The following DZIP3 variants were observed in gnomAD, a reference collection of about 807,000 sequenced individuals.
DZIP3 encodes the protein DAZ interacting zinc finger protein 3.
In DZIP3, 118 loss-of-function variants were observed where a neutral mutation model predicts 162.0. The observed-to-expected ratio is 0.73, with a 90% confidence interval of 0.63 to 0.85. DZIP3 has a LOEUF of 0.85. Among genes scored for constraint, DZIP3 ranks in the 40% least tolerant of loss-of-function variants. DZIP3 has a pLI of 0.00. For synonymous variants in DZIP3, 438 were observed against 458.6 expected, an observed-to-expected ratio of 0.96 and a Z score of 0.57; for missense variants, 1,331 against 1,407.0, an observed-to-expected ratio of 0.95 and a Z score of 0.86.
intron 26 of DZIP3, 71 bp downstream of exon 26, chr3:108,677,669 A>C: frequency 7.8e-7 from 1 of 1,285,694 alleles, no homozygotes; most frequent in Middle Eastern, 1.9e-4. Context: ...TGAAACACTG[A>C]ATATGCAGTA....
intron 7 of DZIP3, 47 bp from the exon 8 acceptor site, chr3:108,629,014 AT>A: frequency 3.3e-6 from 4 of 1,206,848 alleles, no homozygotes; most frequent in Middle Eastern, 2.0e-4. Flanking sequence ...TAAACCATGC[AT>A]CTACACAGTC....
At chr3:108,656,548 A>C (rs937017323) in intron 19 of DZIP3, among the ~76,000 whole-genome samples, 1 of 152,110 alleles carries the variant, frequency 6.6e-6, no homozygotes, top group Non-Finnish European at 1.5e-5. Context: ...TGGGGAAAAA[A>C]CAGAGCAGAA....
chr3:108,626,356 A>T (rs1941589166), intron 7 of DZIP3, among the ~76,000 whole-genome samples: 1 of 152,198 alleles, frequency 6.6e-6, no homozygotes, highest in African/African-American at 2.4e-5. Context: ...GGTGATTAAC[A>T]TTGCCTAGGA....
At chr3:108,613,239 A>C (rs748163060) in intron 4 of DZIP3, among the ~76,000 whole-genome samples, 24 of 152,162 alleles carry the variant, frequency 1.6e-4, no homozygotes, top group Non-Finnish European at 2.6e-4. Context: ...GCATGATTCC[A>C]CTAAAATAAT....
chr3:108,691,011 A>C, intron 32 of DZIP3, 108 bp downstream of exon 32: 1 of 849,250 alleles, frequency 1.2e-6, no homozygotes, highest in South Asian at 1.9e-5. Context: ...AAGCCAGCTA[A>C]TTTTATCAAA....
intron 21 of DZIP3, among the ~76,000 whole-genome samples, chr3:108,667,787 G>A (rs565376660): frequency 6.6e-6 from 1 of 152,202 alleles, no homozygotes; most frequent in Non-Finnish European, 1.5e-5. Flanking sequence ...TGGAAATTTT[G>A]TAGGGTAGAG....
At chr3:108,618,309 A>G (rs1414767380) in intron 5 of DZIP3, among the ~76,000 whole-genome samples, 1 of 152,210 alleles carries the variant, frequency 6.6e-6, no homozygotes, top group East Asian at 1.9e-4. Flanking sequence ...TTAGAATTAT[A>G]TTAGCTAGTC....
intron 21 of DZIP3, among the ~76,000 whole-genome samples, chr3:108,668,737 GTC>G (rs1006542612): frequency 7.9e-5 from 12 of 151,684 alleles, no homozygotes; most frequent in African/African-American, 2.9e-4. Context: ...TTAACTATAA[GTC>G]TCTAAGTCTT....
intron 21 of DZIP3, among the ~76,000 whole-genome samples, chr3:108,663,578 T>C (rs1161417422): frequency 1.4e-5 from 2 of 146,516 alleles, no homozygotes; most frequent in Non-Finnish European, 1.5e-5. Context: ...AAAAAGAAAC[T>C]GTACTTCAGC....
At chr3:108,611,406 A>T (rs1277419876) in intron 4 of DZIP3, 77 bp downstream of exon 4, 5 of 1,541,554 alleles carry the variant, frequency 3.2e-6, no homozygotes, top group Non-Finnish European at 4.4e-6. Flanking sequence ...TTCTTTTTAA[A>T]CCACACAGTA....
intron 1 of DZIP3, among the ~76,000 whole-genome samples, chr3:108,598,901 A>G (rs948508430): frequency 6.6e-6 from 1 of 152,202 alleles, no homozygotes; most frequent in Non-Finnish European, 1.5e-5. Context: ...CTTGTTTAGT[A>G]TCTGGATAGT....
At chr3:108,692,528 A>AGGGC (rs1202468080) in intron 32 of DZIP3, among the ~76,000 whole-genome samples, 2 of 152,234 alleles carry the variant, frequency 1.3e-5, no homozygotes, top group Non-Finnish European at 1.5e-5. Context: ...ATTTAAAGTC[A>AGGGC]GGGCACATGC....
chr3:108,647,847 T>C, intron 15 of DZIP3, 96 bp from the exon 16 acceptor site: 1 of 961,092 alleles, frequency 1.0e-6, no homozygotes, highest in Non-Finnish European at 1.5e-6. Flanking sequence ...TATTTCTGTT[T>C]TGTGAATGTT....
chr3:108,664,372 A>T (rs567621124), intron 21 of DZIP3, among the ~76,000 whole-genome samples: 2 of 152,312 alleles, frequency 1.3e-5, no homozygotes, highest in Middle Eastern at 3.4e-3. Context: ...ACCTAACATA[A>T]GTAAGTAGCA....
Position 108,624,514 on chromosome 3 carries a change from G to C in DZIP3, c.446G>C (p.Gly149Ala). Residue 149 changes from glycine to alanine, a missense_variant, in exon 6 of 33, where the codon GGA (glycine) becomes GCA (alanine). Transcript: ENST00000361582. ...FLYGVALTERGKKEDYTEAEN... is the reference protein window; with the variant it reads ...FLYGVALTERAKKEDYTEAEN... ...TATGGAGTAGCACTCACTGAAAGAG[G>C]AAAGAAAGAGGTATGTAACATGTTA... 1 of 1,561,812 alleles carries C rather than the reference G, an allele frequency of 6.4e-7. No individual in the cohort carries two copies. Among genetic ancestry groups the C allele is most frequent in the Non-Finnish European group, 8.7e-7 (1 of 1,142,922 alleles).
In DZIP3 at chr3:108,684,190, A is replaced by C. The variant is rs369990261; in HGVS notation, c.2884-26A>C. The C allele has an allele frequency of 3.2e-6, 5 of 1,585,532 alleles. No individual in the cohort carries two copies. The African/African-American group carries it at 4.1e-5, about 13-fold the overall frequency. ...AAATATGTGGGGGGGGGTGTTGTTT[A>C]TTATTGTTTATATTTTCTATTTTAG... On this transcript the variant is annotated intron_variant, in intron 26 of 32. Coordinates refer to ENST00000361582, the MANE Select transcript of DZIP3 (RefSeq NM_014648.4).
At chr3:108,684,577 T>A (rs1206123974) in intron 27 of DZIP3, among the ~76,000 whole-genome samples, 1 of 152,150 alleles carries the variant, frequency 6.6e-6, no homozygotes, top group Non-Finnish European at 1.5e-5. Flanking sequence ...TACTAGAGAA[T>A]CCTTAAAATT....
rs750802024 is a variant in DZIP3 at position 108,625,956 on chromosome 3, T to G, written c.568T>G (p.Cys190Gly). 1.3e-5 allele frequency: 21 copies of G among 1,612,682 alleles called. No homozygotes were observed. The Admixed American group carries it at 3.3e-4, about 26-fold the overall frequency. The change falls in exon 7 of 33, where the codon TGT (cysteine) becomes GGT (glycine). Residue 190 changes from cysteine to glycine, a missense_variant. Cys to Gly is a radical substitution (Grantham distance 159). Transcript: ENST00000361582. Reference protein sequence around the residue: ...LVYFGRGLLRCAQKRYNGGLL... With the variant: ...LVYFGRGLLRGAQKRYNGGLL... ...TTATTTTGGACGTGGTTTACTGCGATGTGCTCAAAAGAGGTAAGGATTTTA... is the reference window on the plus strand; with the variant it reads ...TTATTTTGGACGTGGTTTACTGCGAGGTGCTCAAAAGAGGTAAGGATTTTA...
At chr3:108,629,019 C>A in intron 7 of DZIP3, 43 bp from the exon 8 acceptor site, 1 of 1,284,424 alleles carries the variant, frequency 7.8e-7, no homozygotes, top group Non-Finnish European at 1.1e-6. Flanking sequence ...CATGCATCTA[C>A]ACAGTCCCGT....
Sources: gnomAD v4.1 joint callset for allele counts (sites outside exome capture counted in the v4.1 genomes callset) on GRCh38, gnomAD v4.1.1 for gene constraint, MANE v1.5 for transcripts, NCBI Gene and HGNC (gene_info 2026-07-23, HGNC 2026-07-21) for gene names.